The following DMD variants were observed in gnomAD, a reference collection of about 807,000 sequenced individuals.
DMD encodes the protein mutant dystrophin.
DMD carries 63 observed loss-of-function variants against 330.1 expected under a neutral mutation model. The ratio of observed to expected loss-of-function variants is 0.19; its 90% confidence interval spans 0.16 to 0.24. The LOEUF is 0.24. DMD is among the 10% of genes least tolerant of loss of function. The probability of loss-of-function intolerance (pLI) is 1.00; values close to 1 mark genes in which losing one functional copy is unlikely to be tolerated. For missense variants in DMD, 3,344 were observed against 2,684.1 expected (o/e 1.25, Z -5.43); for synonymous variants, 1,223 against 959.8 (o/e 1.27, Z -5.07).
At chrX:32,102,536 TA>T (rs1333848045) in intron 44 of DMD, among the ~76,000 whole-genome samples, 35 of 111,181 alleles carry the variant, frequency 3.1e-4, no homozygotes, top group African/African-American at 1.1e-3. Flanking sequence ...TACTTTAGAA[TA>T]AAAATATTAT....
intron 44 of DMD, among the ~76,000 whole-genome samples, chrX:31,998,835 A>T (rs969134420): frequency 8.9e-6 from 1 of 112,380 alleles, no homozygotes; most frequent in South Asian, 3.6e-4. Context: ...AATCTGTGAA[A>T]TCTTTTTATT....
intron 44 of DMD, among the ~76,000 whole-genome samples, chrX:32,116,795 T>C (rs2096612613): frequency 8.9e-6 from 1 of 112,073 alleles, no homozygotes; most frequent in South Asian, 3.7e-4. Flanking sequence ...AACATTACCT[T>C]TCATTAGTTT....
At chrX:32,305,466 A>G (rs1222306406) in intron 42 of DMD, among the ~76,000 whole-genome samples, 2 of 111,279 alleles carry the variant, frequency 1.8e-5, no homozygotes, top group Admixed American at 1.9e-4. Flanking sequence ...GTTTTCATAG[A>G]CACATGCTTA....
chrX:33,017,598 C>T (rs1307677725), intron 2 of DMD, among the ~76,000 whole-genome samples: 1 of 111,314 alleles, frequency 9.0e-6, no homozygotes, highest in Admixed American at 9.7e-5. Context: ...ATTTGTACTA[C>T]TGACCTAGTA....
intron 44 of DMD, among the ~76,000 whole-genome samples, chrX:32,005,577 C>T (rs757910485): frequency 7.2e-5 from 8 of 110,464 alleles, no homozygotes; most frequent in African/African-American, 2.6e-4. Flanking sequence ...TGTTCCCTAA[C>T]CACTGGGAAT....
chrX:32,300,021 C>G (rs922806174), intron 42 of DMD, among the ~76,000 whole-genome samples: 2 of 111,025 alleles, frequency 1.8e-5, no homozygotes, highest in Admixed American at 1.9e-4. Context: ...GTTTGTATAA[C>G]TATAATATGT....
Position 32,050,987 on chromosome X carries a change from T to C in DMD, c.6439-82473A>G, listed in dbSNP as rs748343843. On this transcript the variant is annotated intron_variant, in intron 44 of 78. Transcript: ENST00000357033. ...GGCTAACTTCCTCTTTTTTTTTTTT[T>C]CCCCCTAATAGAGACAGGCTCTCAC... Among the ~76,000 whole-genome samples the C allele has an allele frequency of 2.6e-3, 256 of 99,261 alleles. 5 individuals carry two copies. The South Asian group carries it at 0.027, about 10-fold the overall frequency. The allele number at this position is 99,261 out of a possible 115,157, so 86.2% of individuals were successfully genotyped here.
At chrX:31,310,176 CCTCTCTCTCTCTCT>C (rs3032536) in intron 62 of DMD, among the ~76,000 whole-genome samples, 16 of 91,546 alleles carry the variant, frequency 1.7e-4, no homozygotes, top group African/African-American at 4.6e-4. Context: ...TCTTCGTTGT[CCTCTCTCTCTCTCT>C]CTCTCTCTCT....
In DMD at chrX:32,076,052, CAAAAAAAAAAAAAAAAAAAAAAA is replaced by C. The variant is rs59686294; in HGVS notation, c.6439-107561_6439-107539del. 1.1e-4 allele frequency among the ~76,000 whole-genome samples: 2 copies of C among 18,743 alleles called. 1 individual carries two copies. The highest frequency in any genetic ancestry group is 2.0e-3 in the Admixed American group (2 of 995). 16.3% of individuals were successfully genotyped at this position (18,743 alleles called of 115,157 possible). ...TGGGTGACAGAACGAGACTCTGTCT[CAAAAAAAAAAAAAAAAAAAAAAA>C]AAAAAAAAAAAAGAGAGAGAGAGAG... On this transcript the variant is annotated intron_variant, in intron 44 of 78. Transcript: ENST00000357033.
chrX:32,336,052 A>AC (rs1329051005), intron 41 of DMD, among the ~76,000 whole-genome samples: 2 of 45,047 alleles, frequency 4.4e-5, no homozygotes, highest in African/African-American at 5.7e-5. Flanking sequence ...GTGTATATAT[A>AC]ACGTTATATA....
chrX:31,932,654 G>A (rs994901135), intron 45 of DMD, among the ~76,000 whole-genome samples: 1 of 111,661 alleles, frequency 9.0e-6, no homozygotes, highest in African/African-American at 3.3e-5. Flanking sequence ...GCTGAGGCAG[G>A]AGAATCACTT....
intron 1 of DMD, among the ~76,000 whole-genome samples, chrX:33,134,720 T>C (rs1454502660): frequency 8.9e-6 from 1 of 112,129 alleles, no homozygotes; most frequent in East Asian, 2.8e-4. Flanking sequence ...TATGTACAAC[T>C]ATTATTTGTC....
chrX:32,216,875 G>A, intron 44 of DMD, 41 bp downstream of exon 44: 1 of 1,156,108 alleles, frequency 8.6e-7, no homozygotes. Flanking sequence ...CAGATGTGCT[G>A]AAGATAAATA....
At chrX:32,838,847 C>T (rs1042131974) in intron 4 of DMD, among the ~76,000 whole-genome samples, 1 of 111,635 alleles carries the variant, frequency 9.0e-6, no homozygotes, top group African/African-American at 3.3e-5. Context: ...TTAGTTCAAC[C>T]ATTGTGGAAG....
intron 75 of DMD, among the ~76,000 whole-genome samples, chrX:31,146,793 T>C (rs1263447207): frequency 1.8e-5 from 2 of 112,169 alleles, no homozygotes; most frequent in Non-Finnish European, 3.8e-5. Context: ...AGAACATAAT[T>C]GAAAAATTTA....
intron 1 of DMD, among the ~76,000 whole-genome samples, chrX:33,268,353 G>C (rs1246758332): frequency 1.8e-5 from 2 of 111,037 alleles, no homozygotes; most frequent in African/African-American, 6.6e-5. Context: ...TGACAAGAGG[G>C]ACCTAATTAA....
intron 44 of DMD, among the ~76,000 whole-genome samples, chrX:32,028,552 G>C (rs2095862778): frequency 9.0e-6 from 1 of 111,676 alleles, no homozygotes. Flanking sequence ...GGAGATTCTG[G>C]TACTACAGAA....
At chrX:32,215,800 T>C (rs2097110186) in intron 44 of DMD, among the ~76,000 whole-genome samples, 2 of 111,790 alleles carry the variant, frequency 1.8e-5, no homozygotes, top group African/African-American at 3.2e-5. Context: ...TAAAGCAGAT[T>C]GGGAATCCAT....
intron 9 of DMD, among the ~76,000 whole-genome samples, chrX:32,649,583 A>AAAAAAAAAT (rs869083050): frequency 1.0e-5 from 1 of 100,115 alleles, no homozygotes; most frequent in African/African-American, 3.7e-5. Flanking sequence ...AAAAAAAAAA[A>AAAAAAAAAT]GGTGAAAGAG....
Sources: allele counts gnomAD v4.1 joint callset (sites outside exome capture counted in the v4.1 genomes callset), GRCh38; gene constraint gnomAD v4.1.1; transcripts MANE v1.5; gene names NCBI Gene and HGNC (gene_info 2026-07-23, HGNC 2026-07-21).